The following PALLD variants were observed in gnomAD, a reference collection of about 807,000 sequenced individuals.
PALLD encodes the protein palladin.
PALLD carries 61 observed loss-of-function variants against 123.5 expected under a neutral mutation model. That is an observed-to-expected ratio of 0.49 (90% CI 0.40 to 0.61). The LOEUF (loss-of-function observed/expected upper bound fraction) is 0.61, where lower values mean the gene tolerates loss of function less well. PALLD is among the 20% of genes least tolerant of loss of function. The pLI, the probability that PALLD is intolerant of heterozygous loss-of-function variation, is 0.00. For synonymous variants in PALLD, 465 were observed against 496.4 expected (o/e 0.94, Z 0.84); for missense variants, 1,273 against 1,377.0 (o/e 0.92, Z 1.20).
At chr4:168,794,510 A>ACACACACGCACG (rs1738192648) in intron 10 of PALLD, among the ~76,000 whole-genome samples, 1 of 142,918 alleles carries the variant, frequency 7.0e-6, no homozygotes, top group Admixed American at 6.9e-5. Flanking sequence ...ACACACGCAC[A>ACACACACGCACG]CACACACACA....
At chr4:168,759,331 G>A (rs1459148463) in intron 10 of PALLD, among the ~76,000 whole-genome samples, 4 of 148,546 alleles carry the variant, frequency 2.7e-5, no homozygotes, top group African/African-American at 5.0e-5. Context: ...AAGTATTCGT[G>A]TATAGTAGGA....
chr4:168,882,303 G>T (rs1414323311), intron 10 of PALLD, among the ~76,000 whole-genome samples: 2 of 152,212 alleles, frequency 1.3e-5, no homozygotes, highest in African/African-American at 4.8e-5. Context: ...GGTTCTGGAA[G>T]AAATGCCTGA....
intron 10 of PALLD, among the ~76,000 whole-genome samples, chr4:168,815,040 G>A (rs1741711835): frequency 6.6e-6 from 1 of 152,148 alleles, no homozygotes; most frequent in Admixed American, 6.6e-5. Flanking sequence ...CAAAGCGCTG[G>A]GATTATAGGC....
intron 10 of PALLD, among the ~76,000 whole-genome samples, chr4:168,761,812 G>A (rs2150446722): frequency 6.6e-6 from 1 of 151,912 alleles, no homozygotes; most frequent in South Asian, 2.1e-4. Context: ...TGCCCGGCAG[G>A]AAATATTCTA....
chr4:168,814,829 G>T (rs1436765351), intron 10 of PALLD, among the ~76,000 whole-genome samples: 1 of 152,208 alleles, frequency 6.6e-6, no homozygotes, highest in Non-Finnish European at 1.5e-5. Context: ...GTAGTGCAGT[G>T]ACGCGACCTC....
chr4:168,751,955 T>C (rs1731118928), intron 10 of PALLD, among the ~76,000 whole-genome samples: 1 of 152,134 alleles, frequency 6.6e-6, no homozygotes, highest in South Asian at 2.1e-4. Flanking sequence ...TTCTGAGAAT[T>C]ACACAGAACA....
chr4:168,786,985 T>C (rs1736851319), intron 10 of PALLD, among the ~76,000 whole-genome samples: 1 of 152,194 alleles, frequency 6.6e-6, no homozygotes, highest in Non-Finnish European at 1.5e-5. Context: ...ATATCAAACT[T>C]ATTATCTATC....
intron 2 of PALLD, among the ~76,000 whole-genome samples, chr4:168,551,378 AT>A (rs1260729943): frequency 1.3e-4 from 20 of 152,166 alleles, no homozygotes; most frequent in African/African-American, 4.6e-4. Flanking sequence ...GTTTATCAGG[AT>A]TTTATACATA....
At position 168,536,801 on chromosome 4, in the gene PALLD, C is replaced by T. The variant is rs140162533; in HGVS notation, c.908+24389C>T. ...TGAGATTTAGGTGGAGACACAAAGCCTAACTACATCAGCATTGAAAAGGTT... is the reference window on the plus strand; with the variant it reads ...TGAGATTTAGGTGGAGACACAAAGCTTAACTACATCAGCATTGAAAAGGTT... On this transcript the variant is annotated intron_variant, in intron 2 of 21. Transcript: ENST00000505667. 1.0e-3 allele frequency among the ~76,000 whole-genome samples: 151 copies of T among 151,698 alleles called. 2 individuals are homozygous for T. The highest frequency in any genetic ancestry group is 3.5e-3 in the African/African-American group (144 of 41,314).
At chr4:168,604,730 C>T (rs1010424732) in intron 2 of PALLD, among the ~76,000 whole-genome samples, 1 of 152,192 alleles carries the variant, frequency 6.6e-6, no homozygotes, top group Non-Finnish European at 1.5e-5. Flanking sequence ...GGGAAATGCT[C>T]GCTACCTAAC....
intron 10 of PALLD, among the ~76,000 whole-genome samples, chr4:168,741,233 C>T (rs1005174945): frequency 1.3e-5 from 2 of 152,196 alleles, no homozygotes; most frequent in African/African-American, 4.8e-5. Flanking sequence ...AGAATAGTGA[C>T]AATTCAGAAA....
intron 10 of PALLD, among the ~76,000 whole-genome samples, chr4:168,873,137 T>C (rs1332962521): frequency 6.6e-6 from 1 of 152,222 alleles, no homozygotes; most frequent in Non-Finnish European, 1.5e-5. Context: ...CTACTGAATA[T>C]GCCTGATGAA....
At chr4:168,627,694 C>T (rs562575582) in intron 2 of PALLD, among the ~76,000 whole-genome samples, 2 of 152,182 alleles carry the variant, frequency 1.3e-5, no homozygotes, top group African/African-American at 2.4e-5. Context: ...GAAAGACAAA[C>T]GGCAAAATGA....
At chr4:168,567,800 G>C (rs1768556977) in intron 2 of PALLD, among the ~76,000 whole-genome samples, 1 of 151,836 alleles carries the variant, frequency 6.6e-6, no homozygotes, top group Non-Finnish European at 1.5e-5. Flanking sequence ...ACTCCAAAAG[G>C]TGGGAGGATG....
intron 8 of PALLD, among the ~76,000 whole-genome samples, chr4:168,705,210 C>T (rs1173613877): frequency 1.3e-5 from 2 of 152,090 alleles, no homozygotes; most frequent in Non-Finnish European, 2.9e-5. Context: ...TGGAATAGAC[C>T]TGATGATTTT....
At chr4:168,524,877 G>T (rs10013385) in intron 2 of PALLD, among the ~76,000 whole-genome samples, 1 of 151,958 alleles carries the variant, frequency 6.6e-6, no homozygotes, top group Admixed American at 6.6e-5. Context: ...AAGAGCCAGC[G>T]TCTTTACTCT....
chr4:168,523,473 G>A (rs1166811750), intron 2 of PALLD, among the ~76,000 whole-genome samples: 1 of 152,124 alleles, frequency 6.6e-6, no homozygotes, highest in African/African-American at 2.4e-5. Context: ...GACATCTAGG[G>A]AGATGAGAAA....
intron 10 of PALLD, among the ~76,000 whole-genome samples, chr4:168,768,140 C>T (rs964222152): frequency 5.3e-5 from 8 of 152,134 alleles, no homozygotes; most frequent in Admixed American, 6.5e-5. Context: ...CTGGAATCCC[C>T]GGTTCTTTTA....
At chr4:168,769,370 T>C (rs1318344024) in intron 10 of PALLD, among the ~76,000 whole-genome samples, 1 of 152,126 alleles carries the variant, frequency 6.6e-6, no homozygotes, top group Non-Finnish European at 1.5e-5. Context: ...GGAGAAAGGA[T>C]TGGGAATTTC....
Sources: allele counts gnomAD v4.1 joint callset (sites outside exome capture counted in the v4.1 genomes callset), GRCh38; gene constraint gnomAD v4.1.1; transcripts MANE v1.5; gene names NCBI Gene and HGNC (gene_info 2026-07-23, HGNC 2026-07-21).